Variants in CSRP3 observed in about 807,000 individuals in gnomAD.
The protein encoded by CSRP3 is cysteine and glycine-rich protein 3.
Under a neutral mutation model 24.3 loss-of-function variants are expected in CSRP3, and 24 were observed. The ratio of observed to expected loss-of-function variants is 0.99; its 90% confidence interval spans 0.71 to 1.39. CSRP3 has a LOEUF of 1.39. Among genes scored for constraint, CSRP3 ranks in the 40% most tolerant of loss-of-function variants. CSRP3 has a pLI of 0.00. For missense variants in CSRP3, 240 were observed against 249.0 expected, an observed-to-expected ratio of 0.96 and a Z score of 0.24; for synonymous variants, 105 against 94.0, an observed-to-expected ratio of 1.12 and a Z score of -0.68.
At chr11:19,198,414 G>A (rs913013797) in intron 1 of CSRP3, among the ~76,000 whole-genome samples, 23 of 152,328 alleles carry the variant, frequency 1.5e-4, no homozygotes, top group African/African-American at 5.5e-4. Flanking sequence ...GACTAACAGG[G>A]AAACTGAATT....
At chr11:19,195,831 T>C (rs11828825) in intron 1 of CSRP3, among the ~76,000 whole-genome samples, 15,010 of 152,260 alleles carry the variant, frequency 0.099, 1,165 homozygotes, top group African/African-American at 0.21. Flanking sequence ...ATCTGACATA[T>C]ATCATCAGGA....
intron 1 of CSRP3, among the ~76,000 whole-genome samples, chr11:19,195,961 G>T (rs80281208): frequency 0.022 from 3,385 of 152,278 alleles, 59 homozygotes; most frequent in Non-Finnish European, 0.033. Context: ...AAAAGGTAGA[G>T]GATATTTTAA....
rs754190437 is a variant in CSRP3 at position 19,185,063 on chromosome 11, G to A, written c.415-18C>T. 2 of 1,597,084 alleles carry A rather than the reference G, an allele frequency of 1.3e-6. No homozygotes were observed. ...TGCCAAGGCTGAGGGGCACAGAAAA[G>A]TTGCATATTTAATGAGGTAGGCAAC... On this transcript the variant is annotated intron_variant, in intron 4 of 5. Transcript: ENST00000265968.
intron 1 of CSRP3, among the ~76,000 whole-genome samples, chr11:19,196,313 G>A (rs1850702834): frequency 6.6e-6 from 1 of 152,134 alleles, no homozygotes; most frequent in South Asian, 2.1e-4. Context: ...CAGAGACATG[G>A]ATTCTAATCT....
intron 1 of CSRP3, among the ~76,000 whole-genome samples, chr11:19,193,805 G>A (rs370704548): frequency 5.9e-5 from 9 of 152,184 alleles, no homozygotes; most frequent in East Asian, 5.8e-4. Context: ...GCAACAGAGC[G>A]AGACTCCGTC....
chr11:19,182,356 T>G lies in CSRP3; in HGVS notation c.*314A>C, dbSNP rs768779880. On this transcript the variant is annotated 3_prime_UTR_variant, in exon 6 of 6. Transcript: ENST00000265968. ...ATGCTCTGCAACTCGTTTTTTGAACTAGCTTTATGTTTTTGAAAATTTCTA... is the reference window on the plus strand; with the variant it reads ...ATGCTCTGCAACTCGTTTTTTGAACGAGCTTTATGTTTTTGAAAATTTCTA... 3.6e-5 allele frequency: 12 copies of G among 337,780 alleles called. No individual in the cohort carries two copies. The highest frequency in any genetic ancestry group is 6.6e-5 in the Non-Finnish European group (12 of 181,486). 20.9% of individuals were successfully genotyped at this position (337,780 alleles called of 1,614,324 possible).
At chr11:19,184,543 C>G (rs940639249) in intron 5 of CSRP3, among the ~76,000 whole-genome samples, 1 of 152,216 alleles carries the variant, frequency 6.6e-6, no homozygotes, top group Non-Finnish European at 1.5e-5. Context: ...TGAGTTCACC[C>G]TCCTCCAGTC....
At chr11:19,196,195 G>A (rs1850700012) in intron 1 of CSRP3, among the ~76,000 whole-genome samples, 1 of 152,134 alleles carries the variant, frequency 6.6e-6, no homozygotes, top group Non-Finnish European at 1.5e-5. Flanking sequence ...CCCAGGAGGT[G>A]GAAGTTGCAG....
At chr11:19,197,854 T>C (rs1392004745) in intron 1 of CSRP3, among the ~76,000 whole-genome samples, 2 of 151,822 alleles carry the variant, frequency 1.3e-5, no homozygotes, top group Admixed American at 6.6e-5. Context: ...ATCTAAGCGA[T>C]AGTAATAGTC....
At chr11:19,192,264 G>T in intron 2 of CSRP3, 73 bp downstream of exon 2, 1 of 1,006,868 alleles carries the variant, frequency 9.9e-7, no homozygotes, top group Admixed American at 1.7e-5. Flanking sequence ...GGCATACAGT[G>T]TTTGTGATTC....
At chr11:19,199,251 G>T (rs753732970) in intron 1 of CSRP3, among the ~76,000 whole-genome samples, 40 of 152,142 alleles carry the variant, frequency 2.6e-4, no homozygotes, top group Non-Finnish European at 4.9e-4. Flanking sequence ...AAGGTCAGTG[G>T]CTGCTTCCTC....
At position 19,186,267 on chromosome 11, in the gene CSRP3, A is replaced by G. The variant is rs1212117448; in HGVS notation, c.363T>C (p.Pro121=). 6.2e-7 allele frequency: 1 copy of G among 1,614,166 alleles called. No homozygotes were observed. The highest frequency in any genetic ancestry group is 8.5e-7 in the Non-Finnish European group (1 of 1,180,028). ...CAGCATAGACTGACTTGCCACATCG[A>G]GGGCACTTCTCGGACTCTCCAAACT... ...TAKFGESEKC[P]RCGKSVYAAE... The change falls in exon 4 of 6, where the codon CCT becomes CCC. Residue 121 remains proline (P), a synonymous_variant. Coordinates refer to ENST00000265968, the MANE Select transcript of CSRP3 (RefSeq NM_003476.5).
rs115961191 is a variant in CSRP3, at chr11:19,200,891, C to T, written c.-29+1063G>A. 2.2e-3 allele frequency among the ~76,000 whole-genome samples: 337 copies of T among 152,328 alleles called. 3 individuals carry two copies. The highest frequency in any genetic ancestry group is 7.7e-3 in the African/African-American group (321 of 41,576). The stretch of plus-strand genomic sequence containing the variant: ...CCTTCCCTGCATAGAGCTGCCTCTA[C>T]CTCCCTCCAGCCCTGACATAGGAGA... On this transcript the variant is annotated intron_variant, in intron 1 of 5. Transcript: ENST00000265968.
At chr11:19,198,966 T>A (rs1850789260) in intron 1 of CSRP3, among the ~76,000 whole-genome samples, 1 of 152,232 alleles carries the variant, frequency 6.6e-6, no homozygotes, top group South Asian at 2.1e-4. Flanking sequence ...TCATGACTAT[T>A]ATTGTTGTTA....
intron 4 of CSRP3, 104 bp downstream of exon 4, chr11:19,186,112 A>G: frequency 1.4e-6 from 2 of 1,455,228 alleles, no homozygotes; most frequent in Non-Finnish European, 1.9e-6. Flanking sequence ...TCTGGGAGCT[A>G]GAGAGAATGA....
At chr11:19,184,015 C>T (rs1356346235) in intron 5 of CSRP3, among the ~76,000 whole-genome samples, 6 of 152,238 alleles carry the variant, frequency 3.9e-5, no homozygotes, top group Admixed American at 6.5e-5. Flanking sequence ...GCCATGATTG[C>T]GAGGCCTCCC....
At chr11:19,183,077 G>A (rs550022067) in intron 5 of CSRP3, among the ~76,000 whole-genome samples, 67 of 152,248 alleles carry the variant, frequency 4.4e-4, no homozygotes, top group African/African-American at 1.6e-3. Context: ...AGAATTGCTT[G>A]AGCCCGGGAG....
At chr11:19,200,950 C>T (rs867985283) in intron 1 of CSRP3, among the ~76,000 whole-genome samples, 9 of 152,252 alleles carry the variant, frequency 5.9e-5, no homozygotes, top group Middle Eastern at 3.4e-3. Context: ...TACATTGAAT[C>T]GTATTGCAGA....
intron 1 of CSRP3, among the ~76,000 whole-genome samples, chr11:19,197,374 C>T (rs1320825051): frequency 1.4e-4 from 1 of 7,158 alleles, no homozygotes; most frequent in Non-Finnish European, 2.5e-4. Flanking sequence ...CCCTCCCTCC[C>T]TCCCTCCCTC....
Sources: gnomAD v4.1 joint callset for allele counts (sites outside exome capture counted in the v4.1 genomes callset) on GRCh38, gnomAD v4.1.1 for gene constraint, MANE v1.5 for transcripts, NCBI Gene and HGNC (gene_info 2026-07-23, HGNC 2026-07-21) for gene names.